The following PALLD variants were observed in gnomAD, a reference collection of about 807,000 sequenced individuals.
The protein encoded by PALLD is palladin.
Under a neutral mutation model 123.5 loss-of-function variants are expected in PALLD, and 61 were observed. That is an observed-to-expected ratio of 0.49 (90% confidence interval 0.40 to 0.61). The LOEUF is 0.61. PALLD is among the 20% of genes least tolerant of loss of function. The probability of loss-of-function intolerance (pLI) is 0.00; values close to 1 mark genes in which losing one functional copy is unlikely to be tolerated. For synonymous variants in PALLD, 465 were observed against 496.4 expected, an observed-to-expected ratio of 0.94 and a Z score of 0.84; for missense variants, 1,273 against 1,377.0, an observed-to-expected ratio of 0.92 and a Z score of 1.20.
rs367699520 is a variant in PALLD, at chr4:168,618,746, G to T, written c.909-49444G>T. Among the ~76,000 whole-genome samples, 244 of 152,300 alleles carry T rather than the reference G, an allele frequency of 1.6e-3. 1 individual carries two copies. The highest frequency in any genetic ancestry group is 5.5e-3 in the African/African-American group (230 of 41,570). On this transcript the variant is annotated intron_variant, in intron 2 of 21. Coordinates refer to ENST00000505667, the MANE Select transcript of PALLD (RefSeq NM_001166108.2). ...ATCAAAAATGCCACCTGTCACTGCT[G>T]CCCAGCCACAAGAATGAGTCCTTCC...
At chr4:168,863,816 T>C (rs1749865179) in intron 10 of PALLD, 4 of 152,372 alleles carry the variant, frequency 2.6e-5, no homozygotes, top group Admixed American at 1.3e-4. Flanking sequence ...TTTATATTTC[T>C]ATACTTTTAA....
At chr4:168,808,467 G>A (rs1026921910) in intron 10 of PALLD, among the ~76,000 whole-genome samples, 13 of 152,004 alleles carry the variant, frequency 8.6e-5, no homozygotes, top group African/African-American at 2.4e-4. Flanking sequence ...GCAACAGAGC[G>A]AGACTCCATC....
intron 10 of PALLD, among the ~76,000 whole-genome samples, chr4:168,814,578 T>A (rs1295505599): frequency 6.6e-6 from 1 of 152,188 alleles, no homozygotes; most frequent in Non-Finnish European, 1.5e-5. Context: ...ATAACTGCGT[T>A]GCAGCAAAAA....
Position 168,741,345 on chromosome 4 carries a change from T to TGTGTGTGTGTGTG in PALLD, c.1964+29422_1964+29423insGTGTGTGTGTGTG, listed in dbSNP as rs56865130. ...AACATTCCTTCCTTATATTTGTTTT[T>TGTGTGTGTGTGTG]TTTGTGTGTGTGTGTGTGTGTGATC... On this transcript the variant is annotated intron_variant, in intron 10 of 21. Coordinates refer to ENST00000505667, the MANE Select transcript of PALLD (RefSeq NM_001166108.2). 8.2e-4 allele frequency among the ~76,000 whole-genome samples: 74 copies of TGTGTGTGTGTGTG among 90,010 alleles called. 1 individual carries two copies. The highest frequency in any genetic ancestry group is 1.9e-3 in the African/African-American group (66 of 35,334). 59.1% of individuals were successfully genotyped at this position (90,010 alleles called of 152,430 possible).
At chr4:168,753,341 C>G (rs1469170452) in intron 10 of PALLD, among the ~76,000 whole-genome samples, 2 of 152,054 alleles carry the variant, frequency 1.3e-5, no homozygotes, top group Non-Finnish European at 2.9e-5. Context: ...TCCCTCCCTC[C>G]TTCCCCTGCT....
intron 10 of PALLD, among the ~76,000 whole-genome samples, chr4:168,769,399 G>C (rs1734105926): frequency 6.6e-6 from 1 of 152,166 alleles, no homozygotes; most frequent in Non-Finnish European, 1.5e-5. Flanking sequence ...ATCTCTGAAG[G>C]TGCAAAGCTT....
chr4:168,761,658 T>TTTTTTTTTTTTTTTTTTTTTTTTTTTG (rs1732924246), intron 10 of PALLD, among the ~76,000 whole-genome samples: 8 of 43,074 alleles, frequency 1.9e-4, no homozygotes, highest in Non-Finnish European at 2.1e-4. Context: ...TTTTTTTTTT[T>TTTTTTTTTTTTTTTTTTTTTTTTTTTG]TTTTTTTTTT....
intron 10 of PALLD, among the ~76,000 whole-genome samples, chr4:168,748,051 G>A (rs896851946): frequency 6.6e-6 from 1 of 152,130 alleles, no homozygotes; most frequent in African/African-American, 2.4e-5. Flanking sequence ...GATAATGGAC[G>A]GAGGAACAGG....
At chr4:168,765,419 G>A (rs1733531630) in intron 10 of PALLD, among the ~76,000 whole-genome samples, 1 of 152,032 alleles carries the variant, frequency 6.6e-6, no homozygotes, top group Non-Finnish European at 1.5e-5. Context: ...GGAATGTACT[G>A]GAAATTCCAT....
At chr4:168,848,977 G>A (rs1172633086) in intron 10 of PALLD, among the ~76,000 whole-genome samples, 1 of 152,088 alleles carries the variant, frequency 6.6e-6, no homozygotes, top group Non-Finnish European at 1.5e-5. Flanking sequence ...GATGAGAGGG[G>A]GTTATTTTGT....
chr4:168,838,161 G>C (rs1251162393), intron 10 of PALLD, among the ~76,000 whole-genome samples: 1 of 152,180 alleles, frequency 6.6e-6, no homozygotes. Flanking sequence ...GCAAGTGACT[G>C]GGGAGGTATC....
intron 2 of PALLD, among the ~76,000 whole-genome samples, chr4:168,589,009 G>C (rs188673529): frequency 6.6e-6 from 1 of 152,260 alleles, no homozygotes; most frequent in African/African-American, 2.4e-5. Flanking sequence ...TGAACTTAAG[G>C]CCAGGGGTAT....
intron 2 of PALLD, among the ~76,000 whole-genome samples, chr4:168,637,276 A>G (rs1349090484): frequency 6.6e-6 from 1 of 152,082 alleles, no homozygotes; most frequent in Non-Finnish European, 1.5e-5. Flanking sequence ...GCCCCACTCC[A>G]GTCTTCCCTT....
chr4:168,611,204 T>C (rs1773695721), intron 2 of PALLD, among the ~76,000 whole-genome samples: 1 of 152,208 alleles, frequency 6.6e-6, no homozygotes, highest in Non-Finnish European at 1.5e-5. Context: ...CGCCATACTC[T>C]GCCATTTGCT....
intron 1 of PALLD, among the ~76,000 whole-genome samples, chr4:168,501,582 T>G (rs1761408150): frequency 6.6e-6 from 1 of 152,192 alleles, no homozygotes; most frequent in African/African-American, 2.4e-5. Flanking sequence ...ACTCACAATA[T>G]TTGCCAACCC....
At chr4:168,696,708 GA>G (rs1783161870) in intron 8 of PALLD, among the ~76,000 whole-genome samples, 1 of 151,848 alleles carries the variant, frequency 6.6e-6, no homozygotes, top group Non-Finnish European at 1.5e-5. Flanking sequence ...GAGAGGGGAG[GA>G]CACTTGTAAA....
At chr4:168,861,848 G>T (rs1749523203) in intron 10 of PALLD, among the ~76,000 whole-genome samples, 1 of 151,768 alleles carries the variant, frequency 6.6e-6, no homozygotes. Flanking sequence ...TAGAGACAGG[G>T]TCTCACTTTG....
At chr4:168,791,013 T>C (rs1267749663) in intron 10 of PALLD, among the ~76,000 whole-genome samples, 1 of 152,150 alleles carries the variant, frequency 6.6e-6, no homozygotes, top group African/African-American at 2.4e-5. Context: ...TTATTCCATA[T>C]CCCTATGTTA....
chr4:168,780,920 T>C (rs1040189858), intron 10 of PALLD, among the ~76,000 whole-genome samples: 1 of 152,170 alleles, frequency 6.6e-6, no homozygotes, highest in South Asian at 2.1e-4. Context: ...ACTCTTGACC[T>C]TAGGTGATCT....
Sources: allele counts gnomAD v4.1 joint callset (sites outside exome capture counted in the v4.1 genomes callset), GRCh38; gene constraint gnomAD v4.1.1; transcripts MANE v1.5; gene names NCBI Gene and HGNC (gene_info 2026-07-23, HGNC 2026-07-21).